The following COQ8B variants were observed in gnomAD, a reference collection of about 807,000 sequenced individuals.
The protein encoded by COQ8B is coenzyme Q8B.
A neutral mutation model predicts 62.0 loss-of-function variants in COQ8B; 44 were observed. The ratio of observed to expected loss-of-function variants is 0.71; its 90% CI spans 0.56 to 0.91. The LOEUF is 0.91. COQ8B is among the 40% of genes least tolerant of loss of function. The pLI is 0.00. For missense variants in COQ8B, 649 were observed against 731.6 expected (o/e 0.89, Z 1.30); for synonymous variants, 252 against 289.9 (o/e 0.87, Z 1.33).
chr19:40,702,974 A>G (rs1409713697), intron 9 of COQ8B, among the ~76,000 whole-genome samples: 1 of 149,500 alleles, frequency 6.7e-6, no homozygotes, highest in African/African-American at 2.6e-5. Context: ...CTCGTCCTTC[A>G]TAGCACCACA....
chr19:40,692,036 C>T lies in COQ8B; in HGVS notation c.1634G>A (p.Ter545=). 1.3e-6 allele frequency: 2 copies of T among 1,597,612 alleles called. No individual in the cohort carries two copies. Among genetic ancestry groups the T allele is most frequent in the Non-Finnish European group, 1.7e-6 (2 of 1,172,298 alleles). ...GGACTGAATCCCCCATGGAGGCTGT[C>T]ATGAGGGATCCACCCAGGAGTCCCC... The part of the protein sequence containing the change: ...TKGDSWVDPS[*] The change falls in exon 15 of 15, where the codon TGA becomes TAA. Residue 545 remains the stop codon, a stop_retained_variant. Coordinates refer to ENST00000324464, the MANE Select transcript of COQ8B (RefSeq NM_024876.4).
At chr19:40,702,927 C>T (rs1349102874) in intron 9 of COQ8B, among the ~76,000 whole-genome samples, 1 of 148,044 alleles carries the variant, frequency 6.8e-6, no homozygotes, top group Non-Finnish European at 1.5e-5. Flanking sequence ...TGCTCCAGGC[C>T]TCTGACCTGC....
chr19:40,713,188 TCTGTCTCTA>T (rs1281364770), intron 4 of COQ8B, among the ~76,000 whole-genome samples: 4 of 152,094 alleles, frequency 2.6e-5, no homozygotes, highest in Non-Finnish European at 5.9e-5. Flanking sequence ...ATGGTGAAAT[TCTGTCTCTA>T]CTAAAAGTAC....
At chr19:40,696,744 G>C (rs2082018042) in intron 12 of COQ8B, among the ~76,000 whole-genome samples, 1 of 151,842 alleles carries the variant, frequency 6.6e-6, no homozygotes, top group South Asian at 2.1e-4. Context: ...CAGGTCCCCA[G>C]GGTCACCTCT....
chr19:40,694,713 C>T (rs1451618080), intron 13 of COQ8B, among the ~76,000 whole-genome samples: 4 of 152,216 alleles, frequency 2.6e-5, no homozygotes, highest in African/African-American at 4.8e-5. Context: ...ATCACTGCCT[C>T]GTCTTGGCAC....
Position 40,700,432 on chromosome 19 carries a change from G to C in COQ8B, c.913C>G (p.Pro305Ala). The change falls in exon 11 of 15, where the codon CCC becomes GCC. Residue 305 changes from proline to alanine, a missense_variant. Physicochemically the swap from Pro to Ala is conservative, Grantham distance 27 (BLOSUM62 -1). Transcript: ENST00000324464. Reference protein sequence around the residue: ...QNFRQLLANDPFFRVPAVVKE... With the variant: ...QNFRQLLANDAFFRVPAVVKE... ...ACCACGGCTGGGACCCGGAAGAAGG[G>C]GTCATTTGCCAGCAGCTGCCTGGGG... is the stretch of plus-strand genomic sequence containing the variant. The C allele has an allele frequency of 6.2e-7, 1 of 1,613,678 alleles. No homozygotes were observed. The highest frequency in any genetic ancestry group is 8.5e-7 in the Non-Finnish European group (1 of 1,179,890).
rs2082079876 is a variant in COQ8B, at chr19:40,703,757, C to G, written c.675G>C (p.Gln225His). The change falls in exon 8 of 15, where the codon CAG becomes CAC. Residue 225 changes from glutamine (Q) to histidine (H), a missense_variant. Gln to His is a conservative substitution (Grantham distance 24). Transcript: ENST00000324464. The part of the protein sequence containing the change: ...FAAASIGQVH[Q>H]GLLRDGTEVA... ...CCTCCGTCCCGTCCCTCAGCAGGCC[C>G]TGGTGCACCTGCCCAATTGAGGCAG... 2 of 1,614,004 alleles carry G rather than the reference C, an allele frequency of 1.2e-6. No individual in the cohort carries two copies. The highest frequency in any genetic ancestry group is 1.3e-5 in the African/African-American group (1 of 74,926).
In COQ8B at chr19:40,714,347, C is replaced by A. The variant is rs1317425388; in HGVS notation, c.153G>T (p.Gly51=). The A allele has an allele frequency of 6.2e-7, 1 of 1,614,146 alleles. No individual in the cohort carries two copies. Among genetic ancestry groups the A allele is most frequent in the African/African-American group, 1.3e-5 (1 of 75,048 alleles). ...GAATGTCCTCCTCACCCAGGCCTCT[C>A]CCAGGCCCATCCTGGTAAAACTTTT... is the stretch of plus-strand genomic sequence containing the variant. ...WAQKFYQDGP[G]RGLGEEDIRR... The change falls in exon 3 of 15, where the codon GGG becomes GGT. Residue 51 remains glycine, a synonymous_variant. Coordinates refer to ENST00000324464, the MANE Select transcript of COQ8B (RefSeq NM_024876.4).
At chr19:40,704,166 T>C (rs1254927228) in intron 7 of COQ8B, 2 of 248,998 alleles carry the variant, frequency 8.0e-6, no homozygotes, top group Non-Finnish European at 1.6e-5. Context: ...TTTTTTTTTT[T>C]TGAGACAGGG....
chr19:40,706,438 G>A (rs1461261775), intron 5 of COQ8B, among the ~76,000 whole-genome samples: 1 of 152,190 alleles, frequency 6.6e-6, no homozygotes, highest in African/African-American at 2.4e-5. Flanking sequence ...GTGTACGTGT[G>A]TACTCTTGTG....
Position 40,716,634 on chromosome 19 carries a change from G to A in COQ8B, c.-51C>T, listed in dbSNP as rs1460635493. 6.6e-6 allele frequency: 1 copy of A among 152,312 alleles called. No individual in the cohort carries two copies. The highest frequency in any genetic ancestry group is 1.5e-5 in the Non-Finnish European group (1 of 68,118). 9.4% of individuals were successfully genotyped at this position (152,312 alleles called of 1,614,324 possible). Reference sequence around the variant, plus strand: ...TCATTTGCTCAGGGTAGCGGAGCTGGGAACTGGCAGAGGAAGGTCTCGAAC... The same window carrying A: ...TCATTTGCTCAGGGTAGCGGAGCTGAGAACTGGCAGAGGAAGGTCTCGAAC... On this transcript the variant is annotated 5_prime_UTR_variant, in exon 1 of 15. Coordinates refer to ENST00000324464, the MANE Select transcript of COQ8B (RefSeq NM_024876.4).
intron 4 of COQ8B, among the ~76,000 whole-genome samples, chr19:40,712,478 C>G (rs2082150223): frequency 6.6e-6 from 1 of 151,338 alleles, no homozygotes; most frequent in Admixed American, 6.6e-5. Context: ...ACCCCCGCTA[C>G]TCAGGAGGCT....
intron 9 of COQ8B, 26 bp from the exon 10 acceptor site, chr19:40,702,719 G>A: frequency 6.2e-7 from 1 of 1,601,088 alleles, no homozygotes; most frequent in Non-Finnish European, 8.5e-7. Flanking sequence ...GTCAGCCAGG[G>A]AAGGGCCCCG....
At chr19:40,715,782 C>A (rs2082180769) in intron 1 of COQ8B, 1 of 218,340 alleles carries the variant, frequency 4.6e-6, no homozygotes. Context: ...AGCCAAGATT[C>A]CCAGTGCTGA....
chr19:40,703,908 C>T, intron 7 of COQ8B, 53 bp from the exon 8 acceptor site: 1 of 1,559,016 alleles, frequency 6.4e-7, no homozygotes, highest in South Asian at 1.2e-5. Context: ...ATTCCCCAGG[C>T]TGAGTGCTTT....
At chr19:40,702,812 C>A in intron 9 of COQ8B, 119 bp from the exon 10 acceptor site, 1 of 860,902 alleles carries the variant, frequency 1.2e-6, no homozygotes, top group South Asian at 1.4e-5. Flanking sequence ...TACTCTAGGC[C>A]TGTGACCCAC....
chr19:40,704,037 A>G, intron 7 of COQ8B, 182 bp from the exon 8 acceptor site: 1 of 724,906 alleles, frequency 1.4e-6, no homozygotes, highest in Non-Finnish European at 2.2e-6. Flanking sequence ...GCAAGTGACT[A>G]GCCAGGCACT....
At chr19:40,713,593 G>A (rs939078520) in intron 4 of COQ8B, among the ~76,000 whole-genome samples, 3 of 149,988 alleles carry the variant, frequency 2.0e-5, no homozygotes, top group Non-Finnish European at 4.4e-5. Context: ...GCAGGCACCT[G>A]TAATCCCAGC....
intron 12 of COQ8B, among the ~76,000 whole-genome samples, chr19:40,696,406 C>A (rs947309529): frequency 6.6e-6 from 1 of 152,172 alleles, no homozygotes; most frequent in African/African-American, 2.4e-5. Context: ...GTGGCTCACA[C>A]CTCTAACCCT....
Sources: allele counts gnomAD v4.1 joint callset (sites outside exome capture counted in the v4.1 genomes callset), GRCh38; gene constraint gnomAD v4.1.1; transcripts MANE v1.5; gene names NCBI Gene and HGNC (gene_info 2026-07-23, HGNC 2026-07-21).